GABRA2: variants seen among roughly 807,000 people sequenced by gnomAD.
The protein encoded by GABRA2 is gamma-aminobutyric acid receptor subunit alpha-2.
GABRA2 carries 16 observed loss-of-function variants against 48.7 expected under a neutral mutation model. That is an observed-to-expected ratio of 0.33 (90% CI 0.22 to 0.50). The LOEUF is 0.50. Among genes scored for constraint, GABRA2 ranks in the 20% least tolerant of loss-of-function variants. The pLI, the probability that GABRA2 is intolerant of heterozygous loss-of-function variation, is 0.98. For synonymous variants in GABRA2, 185 were observed against 184.5 expected (o/e 1.00, Z -0.02); for missense variants, 275 against 535.6 (o/e 0.51, Z 4.80).
At chr4:46,250,825 T>A (rs188512864) in intron 9 of GABRA2, among the ~76,000 whole-genome samples, 12 of 151,714 alleles carry the variant, frequency 7.9e-5, no homozygotes, top group Non-Finnish European at 1.2e-4. Flanking sequence ...TCTTGAGGAA[T>A]CTTATTGGTT....
chr4:46,346,606 A>T (rs1197156221), intron 3 of GABRA2, among the ~76,000 whole-genome samples: 1 of 148,390 alleles, frequency 6.7e-6, no homozygotes, highest in South Asian at 2.1e-4. Context: ...ATTTTTATTT[A>T]TTATACTTAA....
At chr4:46,359,218 C>G (rs927169441) in intron 3 of GABRA2, among the ~76,000 whole-genome samples, 1 of 152,084 alleles carries the variant, frequency 6.6e-6, no homozygotes, top group Non-Finnish European at 1.5e-5. Flanking sequence ...TAGGGAGATA[C>G]TCTTAAACTA....
chr4:46,305,637 C>T lies in GABRA2; in HGVS notation c.634G>A (p.Gly212Ser). 6.2e-7 allele frequency: 1 copy of T among 1,613,660 alleles called. No homozygotes were observed. The highest frequency in any genetic ancestry group is 1.1e-5 in the South Asian group (1 of 91,078). Residue 212 changes from glycine to serine, a missense_variant, in exon 7 of 10, where the codon GGC becomes AGC. Coordinates refer to ENST00000381620, the MANE Select transcript of GABRA2 (RefSeq NM_000807.4). ...AGGTCATATTGATTTAACCTAGAGC[C>T]ATCAGGAGCAACCTGTACTGAATCA... ...ASDSVQVAPDGSRLNQYDLLG... is the reference protein window; with the variant it reads ...ASDSVQVAPDSSRLNQYDLLG...
At chr4:46,263,282 G>T (rs1309973809) in intron 8 of GABRA2, among the ~76,000 whole-genome samples, 1 of 152,028 alleles carries the variant, frequency 6.6e-6, no homozygotes, top group Non-Finnish European at 1.5e-5. Context: ...TTACAAATTT[G>T]TGTCATACCT....
intron 3 of GABRA2, among the ~76,000 whole-genome samples, chr4:46,335,937 C>T (rs1732153575): frequency 6.6e-6 from 1 of 152,084 alleles, no homozygotes; most frequent in Non-Finnish European, 1.5e-5. Flanking sequence ...AATGTAAGCC[C>T]TCTTCTCTCA....
chr4:46,352,105 G>A (rs34865753), intron 3 of GABRA2, among the ~76,000 whole-genome samples: 5,401 of 151,832 alleles, frequency 0.036, 124 homozygotes, highest in African/African-American at 0.066. Flanking sequence ...CAAAGAATTC[G>A]CCCCATGTTT....
chr4:46,315,756 G>A (rs1314061523), intron 4 of GABRA2, among the ~76,000 whole-genome samples: 2 of 151,896 alleles, frequency 1.3e-5, no homozygotes, highest in African/African-American at 2.4e-5. Context: ...ATACACAAGA[G>A]TATAAAGAAT....
chr4:46,252,365 A>T (rs481311), intron 9 of GABRA2, among the ~76,000 whole-genome samples: 89,408 of 151,228 alleles, frequency 0.59, 26,733 homozygotes, highest in South Asian at 0.78. Context: ...ACTGATAAGG[A>T]AATTATAGCG....
intron 8 of GABRA2, among the ~76,000 whole-genome samples, chr4:46,286,848 C>T (rs1722638308): frequency 6.6e-6 from 1 of 152,000 alleles, no homozygotes; most frequent in Non-Finnish European, 1.5e-5. Flanking sequence ...AGATATTAAA[C>T]CCTAATCAGA....
At chr4:46,324,294 T>C (rs937367793) in intron 4 of GABRA2, among the ~76,000 whole-genome samples, 1 of 151,958 alleles carries the variant, frequency 6.6e-6, no homozygotes, top group Non-Finnish European at 1.5e-5. Context: ...CCTGGTACTG[T>C]GAGAAACCAT....
At chr4:46,263,981 A>G (rs1467136326) in intron 8 of GABRA2, among the ~76,000 whole-genome samples, 1 of 150,102 alleles carries the variant, frequency 6.7e-6, no homozygotes, top group Non-Finnish European at 1.5e-5. Flanking sequence ...CCATTTATTT[A>G]GGGCTTCTTT....
intron 3 of GABRA2, among the ~76,000 whole-genome samples, chr4:46,377,389 C>G (rs1715928536): frequency 6.6e-6 from 1 of 151,722 alleles, no homozygotes; most frequent in Non-Finnish European, 1.5e-5. Context: ...GCCCTGCCGC[C>G]CCGTCCGGGA....
intron 8 of GABRA2, among the ~76,000 whole-genome samples, chr4:46,291,290 A>G (rs2350770): frequency 0.39 from 59,932 of 151,970 alleles, 12,266 homozygotes; most frequent in East Asian, 0.52. Flanking sequence ...GTTTTTCTAT[A>G]CTTTTTAGTC....
At chr4:46,389,398 G>A (rs1377885241) in intron 1 of GABRA2, 2 of 985,364 alleles carry the variant, frequency 2.0e-6, no homozygotes, top group Non-Finnish European at 2.4e-6. Context: ...CTCTGGAGCC[G>A]AGGATCACAA....
chr4:46,318,938 T>C (rs1728991595), intron 4 of GABRA2, among the ~76,000 whole-genome samples: 1 of 151,720 alleles, frequency 6.6e-6, no homozygotes, highest in Non-Finnish European at 1.5e-5. Flanking sequence ...CCCAATTTCC[T>C]CCTTTCACAG....
chr4:46,370,889 C>A (rs1167285000), intron 3 of GABRA2, among the ~76,000 whole-genome samples: 2 of 151,704 alleles, frequency 1.3e-5, no homozygotes, highest in African/African-American at 4.8e-5. Flanking sequence ...TGCCTTGAAA[C>A]AAGCCACACA....
chr4:46,334,458 A>G (rs1467461585), intron 3 of GABRA2, among the ~76,000 whole-genome samples: 1 of 152,170 alleles, frequency 6.6e-6, no homozygotes, highest in Non-Finnish European at 1.5e-5. Flanking sequence ...TTGACCTAAA[A>G]TGTTCCAGAG....
chr4:46,265,422 TTG>T (rs1717949525), intron 8 of GABRA2, among the ~76,000 whole-genome samples: 1 of 119,492 alleles, frequency 8.4e-6, no homozygotes, highest in South Asian at 2.2e-4. Context: ...ATATAATATA[TTG>T]TGTATATATA....
At position 46,301,272 on chromosome 4, in the gene GABRA2, T is replaced by C. The variant is rs376094965; in HGVS notation, c.856+2188A>G. ...CCCCAAATTCAAAGAGTTGTATACA[T>C]TAAATATGTACAGATTTTTACATGT... On this transcript the variant is annotated intron_variant, in intron 8 of 9. Transcript: ENST00000381620. 2.6e-5 allele frequency among the ~76,000 whole-genome samples: 4 copies of C among 152,284 alleles called. No individual in the cohort carries two copies. The East Asian group carries it at 7.7e-4, about 29-fold the overall frequency.
Sources: gnomAD v4.1 joint callset for allele counts (sites outside exome capture counted in the v4.1 genomes callset) on GRCh38, gnomAD v4.1.1 for gene constraint, MANE v1.5 for transcripts, NCBI Gene and HGNC (gene_info 2026-07-23, HGNC 2026-07-21) for gene names.